Variants in NCOA2 observed in about 807,000 individuals in gnomAD.
NCOA2 encodes the protein class E basic helix-loop-helix protein 75.
A neutral mutation model predicts 145.1 loss-of-function variants in NCOA2; 21 were observed. The ratio of observed to expected loss-of-function variants is 0.14; its 90% CI spans 0.10 to 0.21. The LOEUF is 0.21. Among genes scored for constraint, NCOA2 ranks in the 10% least tolerant of loss-of-function variants. NCOA2 has a pLI of 1.00. For synonymous variants in NCOA2, 619 were observed against 637.5 expected (o/e 0.97, Z 0.44); for missense variants, 1,472 against 1,837.6 (o/e 0.80, Z 3.64).
At chr8:70,191,095 A>G (rs1816626888) in intron 4 of NCOA2, among the ~76,000 whole-genome samples, 1 of 152,198 alleles carries the variant, frequency 6.6e-6, no homozygotes, top group Admixed American at 6.5e-5. Flanking sequence ...ATAAACTTTC[A>G]GCTTCATCAT....
chr8:70,331,284 C>T (rs1418842174), intron 1 of NCOA2, among the ~76,000 whole-genome samples: 1 of 152,040 alleles, frequency 6.6e-6, no homozygotes, highest in Non-Finnish European at 1.5e-5. Flanking sequence ...TAAAACAACA[C>T]AATAGAGTAT....
At chr8:70,177,376 C>G (rs1194410311) in intron 4 of NCOA2, among the ~76,000 whole-genome samples, 1 of 152,120 alleles carries the variant, frequency 6.6e-6, no homozygotes, top group Non-Finnish European at 1.5e-5. Context: ...TGAACTGTGT[C>G]TGGATCCTCA....
chr8:70,388,992 T>G (rs1812927624), intron 1 of NCOA2, among the ~76,000 whole-genome samples: 1 of 152,202 alleles, frequency 6.6e-6, no homozygotes, highest in East Asian at 1.9e-4. Context: ...TTCTCCTAAG[T>G]GACTACTTTT....
chr8:70,252,739 C>T (rs1425858234), intron 2 of NCOA2, among the ~76,000 whole-genome samples: 2 of 152,138 alleles, frequency 1.3e-5, no homozygotes, highest in Non-Finnish European at 2.9e-5. Flanking sequence ...GAAGATTAGA[C>T]TAATTAATGT....
chr8:70,265,952 A>G (rs1018826706), intron 2 of NCOA2, among the ~76,000 whole-genome samples: 2 of 152,030 alleles, frequency 1.3e-5, no homozygotes, highest in South Asian at 2.1e-4. Context: ...AGCCTGGCCA[A>G]TATGGTGTAA....
chr8:70,143,694 T>A (rs1483149695), intron 13 of NCOA2, among the ~76,000 whole-genome samples: 1 of 152,170 alleles, frequency 6.6e-6, no homozygotes, highest in Non-Finnish European at 1.5e-5. Flanking sequence ...ACTCTTATAT[T>A]CAGTTAACTG....
intron 4 of NCOA2, among the ~76,000 whole-genome samples, chr8:70,196,184 T>C (rs1480642913): frequency 6.6e-6 from 1 of 152,108 alleles, no homozygotes; most frequent in African/African-American, 2.4e-5. Flanking sequence ...GAGACCAGCC[T>C]GGACAACATG....
intron 9 of NCOA2, among the ~76,000 whole-genome samples, chr8:70,161,805 C>A (rs749857989): frequency 6.6e-6 from 1 of 152,180 alleles, no homozygotes; most frequent in African/African-American, 2.4e-5. Flanking sequence ...GCATGTGGAG[C>A]CCTGGCCAAC....
At chr8:70,411,248 G>A in the NCOA2 span, among the ~76,000 whole-genome samples, 1 of 152,136 alleles carries the variant, frequency 6.6e-6, no homozygotes, top group Non-Finnish European at 1.5e-5. Context: ...ATTACCATTT[G>A]TAACCAACAT....
At chr8:70,446,008 T>A in the NCOA2 span, among the ~76,000 whole-genome samples, 1 of 151,976 alleles carries the variant, frequency 6.6e-6, no homozygotes, top group Non-Finnish European at 1.5e-5. Flanking sequence ...CCCTATACTA[T>A]GGGTTGGTTC....
In NCOA2 at chr8:70,301,655, C is replaced by CAAAAAAAA. The variant is rs71275063; in HGVS notation, c.-76-4863_-76-4856dup. Among the ~76,000 whole-genome samples, 32 of 60,148 alleles carry CAAAAAAAA rather than the reference C, an allele frequency of 5.3e-4. 1 individual carries two copies. Among genetic ancestry groups the CAAAAAAAA allele is most frequent in the East Asian group, 1.3e-3 (2 of 1,594 alleles). 39.5% of individuals were successfully genotyped at this position (60,148 alleles called of 152,430 possible). On this transcript the variant is annotated intron_variant, in intron 1 of 22. Coordinates refer to ENST00000452400, the MANE Select transcript of NCOA2 (RefSeq NM_006540.4). ...TAGGTGACAGAGTGAGACCCTTTCT[C>CAAAAAAAA]AAAAAAAAAAAAAAAAAAAAAAAAA...
At chr8:70,219,511 C>G (rs1463430458) in intron 2 of NCOA2, among the ~76,000 whole-genome samples, 1 of 152,130 alleles carries the variant, frequency 6.6e-6, no homozygotes, top group African/African-American at 2.4e-5. Flanking sequence ...GTCGGGGATG[C>G]CTGGCCAAGC....
At chr8:70,437,276 C>A in the NCOA2 span, among the ~76,000 whole-genome samples, 19 of 152,364 alleles carry the variant, frequency 1.2e-4, no homozygotes, top group African/African-American at 4.6e-4. Context: ...CTCACACAGG[C>A]TCTCATGCCA....
chr8:70,314,205 A>AAAAAAAAAAAAAAAAAAAAC (rs1805379475), intron 1 of NCOA2, among the ~76,000 whole-genome samples: 1 of 146,086 alleles, frequency 6.8e-6, no homozygotes, highest in African/African-American at 2.6e-5. Flanking sequence ...AAAAAAAAAA[A>AAAAAAAAAAAAAAAAAAAAC]AAAGCAACTG....
At chr8:70,417,439 T>A in the NCOA2 span, among the ~76,000 whole-genome samples, 1 of 151,596 alleles carries the variant, frequency 6.6e-6, no homozygotes, top group Non-Finnish European at 1.5e-5. Context: ...ATCCCAGCTA[T>A]TCGGGAAGCT....
the NCOA2 span, among the ~76,000 whole-genome samples, chr8:70,437,264 C>T: frequency 6.6e-6 from 1 of 152,216 alleles, no homozygotes; most frequent in African/African-American, 2.4e-5. Flanking sequence ...AGATCAAATC[C>T]TCTCACACAG....
At chr8:70,445,293 G>T in the NCOA2 span, among the ~76,000 whole-genome samples, 2 of 152,298 alleles carry the variant, frequency 1.3e-5, no homozygotes, top group East Asian at 3.9e-4. Flanking sequence ...AGAACCAATA[G>T]AGTAAATGCC....
intron 1 of NCOA2, among the ~76,000 whole-genome samples, chr8:70,341,301 C>T (rs949037924): frequency 2.0e-5 from 3 of 152,000 alleles, no homozygotes; most frequent in African/African-American, 2.4e-5. Flanking sequence ...GTGGGAGGAT[C>T]GCTTAAGCCC....
At chr8:70,275,894 A>T (rs1027035771) in intron 2 of NCOA2, among the ~76,000 whole-genome samples, 1 of 152,220 alleles carries the variant, frequency 6.6e-6, no homozygotes, top group Non-Finnish European at 1.5e-5. Context: ...ACAACTATAA[A>T]GGCTATGTAG....
Sources: allele counts gnomAD v4.1 joint callset (sites outside exome capture counted in the v4.1 genomes callset), GRCh38; gene constraint gnomAD v4.1.1; transcripts MANE v1.5; gene names NCBI Gene and HGNC (gene_info 2026-07-23, HGNC 2026-07-21).